The following DNAJC13 variants were observed in gnomAD, a reference collection of about 807,000 sequenced individuals.
DNAJC13 encodes DnaJ heat shock protein family (Hsp40) member C13.
A neutral mutation model predicts 290.5 loss-of-function variants in DNAJC13; 75 were observed. The ratio of observed to expected loss-of-function variants is 0.26; its 90% CI spans 0.21 to 0.31. The LOEUF (loss-of-function observed/expected upper bound fraction) is 0.31. DNAJC13 is among the 10% of genes least tolerant of loss of function. The probability of loss-of-function intolerance (pLI) is 1.00; values close to 1 mark genes in which losing one functional copy is unlikely to be tolerated. For missense variants in DNAJC13, 2,260 were observed against 2,674.5 expected, an observed-to-expected ratio of 0.85 and a Z score of 3.42; for synonymous variants, 862 against 892.0, an observed-to-expected ratio of 0.97 and a Z score of 0.60.
At chr3:132,520,436 C>G (rs1013392448) in intron 48 of DNAJC13, among the ~76,000 whole-genome samples, 1 of 152,146 alleles carries the variant, frequency 6.6e-6, no homozygotes, top group Non-Finnish European at 1.5e-5. Flanking sequence ...GTATACACAC[C>G]AGTGAGTAAT....
chr3:132,489,114 A>G, intron 31 of DNAJC13, 93 bp downstream of exon 31: 1 of 971,102 alleles, frequency 1.0e-6, no homozygotes, highest in Admixed American at 2.2e-5. Flanking sequence ...TTACTAGATT[A>G]TAAGTACTTG....
At chr3:132,492,695 A>G in intron 33 of DNAJC13, 80 bp downstream of exon 33, 1 of 1,226,060 alleles carries the variant, frequency 8.2e-7, no homozygotes, top group South Asian at 1.3e-5. Flanking sequence ...GTCCTCCTGC[A>G]GTAAGATGGT....
rs557377484 is a variant in DNAJC13, at chr3:132,484,454, A to C, written c.3183-134A>C. The C allele has an allele frequency of 1.1e-5, 8 of 722,228 alleles. No homozygotes were observed. In the African/African-American group the frequency reaches 1.4e-4, roughly 13 times the overall value. 44.7% of individuals were successfully genotyped at this position (722,228 alleles called of 1,614,324 possible). On this transcript the variant is annotated intron_variant, in intron 28 of 55. Coordinates refer to ENST00000260818, the MANE Select transcript of DNAJC13 (RefSeq NM_015268.4). ...AACCAAAATACCTAATCATGTTCCC[A>C]GCTGTATGAGAGCTTAGTCTTCATT...
intron 48 of DNAJC13, among the ~76,000 whole-genome samples, chr3:132,520,184 G>A (rs1004645180): frequency 6.6e-6 from 1 of 152,214 alleles, no homozygotes; most frequent in African/African-American, 2.4e-5. Flanking sequence ...TGTGGGGCAT[G>A]TGATCTCTGT....
intron 33 of DNAJC13, among the ~76,000 whole-genome samples, chr3:132,493,427 A>T (rs1229842308): frequency 1.3e-5 from 2 of 152,034 alleles, no homozygotes; most frequent in Non-Finnish European, 2.9e-5. Flanking sequence ...TCAACATGAG[A>T]TACTAGATAC....
intron 1 of DNAJC13, among the ~76,000 whole-genome samples, chr3:132,421,536 C>T (rs1938959642): frequency 6.6e-6 from 1 of 151,802 alleles, no homozygotes; most frequent in Admixed American, 6.6e-5. Context: ...TGGCTCACTG[C>T]AACCTCTGCC....
chr3:132,431,887 C>T (rs562065112), intron 1 of DNAJC13, among the ~76,000 whole-genome samples: 3 of 151,966 alleles, frequency 2.0e-5, no homozygotes, highest in Admixed American at 6.6e-5. Context: ...GGGGGGTGAC[C>T]GCTAACAGAG....
At chr3:132,426,530 C>T (rs1939095536) in intron 1 of DNAJC13, among the ~76,000 whole-genome samples, 2 of 152,150 alleles carry the variant, frequency 1.3e-5, no homozygotes, top group Non-Finnish European at 2.9e-5. Flanking sequence ...TTCAAGATCC[C>T]ATTTAACTGT....
chr3:132,531,895 G>A (rs116262943), intron 55 of DNAJC13, among the ~76,000 whole-genome samples: 1,615 of 152,202 alleles, frequency 0.011, 11 homozygotes, highest in Middle Eastern at 0.031. Flanking sequence ...GAATACATAG[G>A]TATCATGAAT....
At chr3:132,495,996 A>G (rs776219752) in intron 35 of DNAJC13, among the ~76,000 whole-genome samples, 5 of 152,206 alleles carry the variant, frequency 3.3e-5, no homozygotes, top group Non-Finnish European at 7.4e-5. Flanking sequence ...AAGAATCTAC[A>G]TATAGATAAC....
chr3:132,516,896 G>A, intron 48 of DNAJC13, 80 bp downstream of exon 48: 1 of 1,172,924 alleles, frequency 8.5e-7, no homozygotes, highest in Non-Finnish European at 1.2e-6. Flanking sequence ...GAAGTTTACT[G>A]AAATCTGAGA....
At chr3:132,512,652 A>G (rs970104306) in intron 44 of DNAJC13, among the ~76,000 whole-genome samples, 1 of 152,222 alleles carries the variant, frequency 6.6e-6, no homozygotes, top group African/African-American at 2.4e-5. Context: ...CTCCCAGAAT[A>G]TAATTAGGTT....
intron 20 of DNAJC13, 90 bp downstream of exon 20, chr3:132,467,403 C>T (rs937740775): frequency 7.5e-7 from 1 of 1,325,388 alleles, no homozygotes; most frequent in Non-Finnish European, 1.0e-6. Context: ...GGTATCGATA[C>T]ATTTCTTGCT....
At chr3:132,462,263 CTTTG>C (rs1435931584) in intron 15 of DNAJC13, among the ~76,000 whole-genome samples, 200 bp from the exon 16 acceptor site, 11 of 151,748 alleles carry the variant, frequency 7.2e-5, no homozygotes, top group African/African-American at 2.4e-4. Context: ...AATGTAAATT[CTTTG>C]TTTATGTGTC....
At chr3:132,443,246 G>A (rs548354160) in intron 2 of DNAJC13, among the ~76,000 whole-genome samples, 15 of 152,222 alleles carry the variant, frequency 9.9e-5, no homozygotes, top group African/African-American at 3.4e-4. Context: ...TCTGCCTCCT[G>A]GGTTCAAGCA....
At position 132,466,126 on chromosome 3, in the gene DNAJC13, GT is replaced by G. The variant is rs1553745359; in HGVS notation, c.1968+58del. The G allele has an allele frequency of 3.4e-6, 5 of 1,485,536 alleles. No individual in the cohort carries two copies. In the African/African-American group the frequency reaches 6.9e-5, roughly 21 times the overall value. The allele number at this position is 1,485,536 out of a possible 1,614,324, so 92.0% of individuals were successfully genotyped here. A position where few individuals can be genotyped will look rare whatever the true frequency, so the allele number is the denominator to read the frequency against. On this transcript the variant is annotated intron_variant, in intron 18 of 55. Transcript: ENST00000260818. ...TGCCTAATAAAATTTAATTGAACAA[GT>G]TATCTGTACTGTTAAAAGGGGATGG...
Position 132,483,530 on chromosome 3 carries a change from C to T in DNAJC13, c.3135C>T (p.Thr1045=). The change falls in exon 28 of 56, where the codon ACC becomes ACT. Residue 1045 remains threonine, a synonymous_variant. Coordinates refer to ENST00000260818, the MANE Select transcript of DNAJC13 (RefSeq NM_015268.4). Reference sequence around the variant, plus strand: ...TCCTGAATGAAACTGACCTTGCTACCCTTATATTGAACATGTTGATCACAA... The same window carrying T: ...TCCTGAATGAAACTGACCTTGCTACTCTTATATTGAACATGTTGATCACAA... ...QAVLNETDLA[T]LILNMLITMC... The T allele has an allele frequency of 1.2e-6, 2 of 1,614,072 alleles. No individual in the cohort carries two copies. Among genetic ancestry groups the T allele is most frequent in the Non-Finnish European group, 1.7e-6 (2 of 1,179,996 alleles).
At chr3:132,483,782 A>G (rs1934760315) in intron 28 of DNAJC13, among the ~76,000 whole-genome samples, 1 of 152,212 alleles carries the variant, frequency 6.6e-6, no homozygotes, top group Non-Finnish European at 1.5e-5. Context: ...TTTCTGGGAG[A>G]TTTCAAATAA....
Position 132,495,162 on chromosome 3 carries a change from G to A in DNAJC13, c.4016G>A (p.Gly1339Glu). 6.2e-7 allele frequency: 1 copy of A among 1,612,886 alleles called. No homozygotes were observed. The highest frequency in any genetic ancestry group is 1.1e-5 in the South Asian group (1 of 91,000). Residue 1339 changes from glycine (G) to glutamate (E), a missense_variant, in exon 35 of 56, where the codon GGG (glycine) becomes GAG (glutamate). Physicochemically the swap from Gly to Glu is moderately conservative, Grantham distance 98. Coordinates refer to ENST00000260818, the MANE Select transcript of DNAJC13 (RefSeq NM_015268.4). ...TACCACCCTGATAAGAATCCAGAAG[G>A]GAGGGTATGTACTGCTGTTGGAATT... ...QKYHPDKNPE[G>E]RDMFEKVNKA...
Sources: allele counts gnomAD v4.1 joint callset (sites outside exome capture counted in the v4.1 genomes callset), GRCh38; gene constraint gnomAD v4.1.1; transcripts MANE v1.5; gene names NCBI Gene and HGNC (gene_info 2026-07-23, HGNC 2026-07-21).